Variants in FAF1 observed in about 807,000 individuals in gnomAD.
FAF1 encodes Fas associated factor 1, also known as FAS-associated factor 1.
A neutral mutation model predicts 92.5 loss-of-function variants in FAF1; 25 were observed. The ratio of observed to expected loss-of-function variants is 0.27; its 90% CI spans 0.20 to 0.38. The LOEUF (loss-of-function observed/expected upper bound fraction) is 0.38, where lower values mean the gene tolerates loss of function less well. Ranked by LOEUF, FAF1 falls within the 10% of genes least tolerant of loss-of-function variation. FAF1 has a pLI of 1.00. For missense variants in FAF1, 636 were observed against 793.3 expected (o/e 0.80, Z 2.38); for synonymous variants, 234 against 273.2 (o/e 0.86, Z 1.42).
At chr1:50,643,195 A>G (rs12075946) in intron 8 of FAF1, among the ~76,000 whole-genome samples, 4,695 of 152,104 alleles carry the variant, frequency 0.031, 242 homozygotes, top group African/African-American at 0.11. Flanking sequence ...ATTTTTAGCT[A>G]TATTTCTTTT....
At chr1:50,788,747 G>A (rs570254616) in intron 3 of FAF1, among the ~76,000 whole-genome samples, 1 of 152,168 alleles carries the variant, frequency 6.6e-6, no homozygotes, top group East Asian at 1.9e-4. Context: ...CCACAAACAA[G>A]CCCACATAAG....
intron 1 of FAF1, among the ~76,000 whole-genome samples, chr1:50,921,177 T>C (rs1320714063): frequency 6.6e-6 from 1 of 152,228 alleles, no homozygotes; most frequent in Non-Finnish European, 1.5e-5. Context: ...TGGCCCACCC[T>C]GCCCACAACC....
intron 5 of FAF1, among the ~76,000 whole-genome samples, chr1:50,743,447 C>T (rs926389260): frequency 1.3e-5 from 2 of 152,088 alleles, no homozygotes; most frequent in African/African-American, 4.8e-5. Context: ...CCCACCTCAG[C>T]CTCCCGAGTA....
At chr1:50,655,000 C>T (rs113402151) in intron 8 of FAF1, among the ~76,000 whole-genome samples, 29,159 of 139,414 alleles carry the variant, frequency 0.21, 3,766 homozygotes, top group Middle Eastern at 0.43. Context: ...GATGGAGTTT[C>T]GCTTTTGTCG....
chr1:50,780,970 T>C, intron 4 of FAF1: 1 of 484,344 alleles, frequency 2.1e-6, no homozygotes, highest in Non-Finnish European at 4.1e-6. Context: ...GGTCATCATC[T>C]CTGCCAAGGG....
intron 18 of FAF1, among the ~76,000 whole-genome samples, chr1:50,474,657 T>C (rs895341528): frequency 1.8e-4 from 27 of 152,322 alleles, no homozygotes; most frequent in Admixed American, 9.8e-4. Flanking sequence ...AATTCGACCA[T>C]AACCTCTACT....
At position 50,667,146 on chromosome 1, in the gene FAF1, C is replaced by T. The variant is rs138043965; in HGVS notation, c.658-11618G>A. The stretch of plus-strand genomic sequence containing the variant: ...TGTCACACACATCTGAGAAAGATGG[C>T]AAGATAAAAAATTTCCAAGGAAAAT... On this transcript the variant is annotated intron_variant, in intron 7 of 18. Coordinates refer to ENST00000396153, the MANE Select transcript of FAF1 (RefSeq NM_007051.3). Among the ~76,000 whole-genome samples the T allele has an allele frequency of 1.7e-3, 251 of 152,098 alleles. 8 individuals carry two copies. In the East Asian group the frequency reaches 0.039, roughly 23 times the overall value.
At chr1:50,953,521 T>G (rs1048756021) in intron 1 of FAF1, among the ~76,000 whole-genome samples, 2 of 152,114 alleles carry the variant, frequency 1.3e-5, no homozygotes, top group Non-Finnish European at 2.9e-5. Context: ...GTGGATCAAC[T>G]GAGGTCAGGA....
rs188193932 is a variant in FAF1, at chr1:50,478,828, C to T, written c.1654-3149G>A. 3.3e-5 allele frequency among the ~76,000 whole-genome samples: 5 copies of T among 152,172 alleles called. No homozygotes were observed. In the East Asian group the frequency reaches 9.6e-4, roughly 29 times the overall value. On this transcript the variant is annotated intron_variant, in intron 17 of 18. Coordinates refer to ENST00000396153, the MANE Select transcript of FAF1 (RefSeq NM_007051.3). ...AGTGTTGTATTGTATAAAGCTTTAT[C>T]CTTTCTGTTCAAAATCATGTATTTT...
intron 15 of FAF1, among the ~76,000 whole-genome samples, chr1:50,499,455 A>AATAAATTAGCTTTTGTC (rs1273211006): frequency 1.3e-5 from 2 of 151,808 alleles, no homozygotes; most frequent in Non-Finnish European, 2.9e-5. Flanking sequence ...TCTTATCAGG[A>AATAAATTAGCTTTTGTC]ATAAATTAGC....
chr1:50,527,151 G>A (rs901426320), intron 15 of FAF1, among the ~76,000 whole-genome samples: 8 of 151,996 alleles, frequency 5.3e-5, no homozygotes, highest in Non-Finnish European at 7.4e-5. Context: ...CCACTGTGCC[G>A]GGCCCCTGAT....
intron 8 of FAF1, among the ~76,000 whole-genome samples, chr1:50,649,302 G>A (rs538069963): frequency 4.0e-5 from 6 of 151,776 alleles, no homozygotes; most frequent in Non-Finnish European, 5.9e-5. Context: ...ACAGGCATGC[G>A]CCACACACCT....
chr1:50,750,465 A>G (rs1659810706), intron 4 of FAF1, among the ~76,000 whole-genome samples: 1 of 152,096 alleles, frequency 6.6e-6, no homozygotes, highest in Admixed American at 6.6e-5. Flanking sequence ...TACAATCAAG[A>G]TAAGAACATT....
chr1:50,628,308 A>C (rs1185952610), intron 8 of FAF1, among the ~76,000 whole-genome samples: 1 of 152,222 alleles, frequency 6.6e-6, no homozygotes. Context: ...CCTGAACTAG[A>C]AACAACATTT....
intron 1 of FAF1, among the ~76,000 whole-genome samples, chr1:50,887,221 G>T (rs1209950031): frequency 2.0e-5 from 3 of 152,116 alleles, no homozygotes; most frequent in Admixed American, 2.0e-4. Context: ...ACTTGTTGAT[G>T]GGGTTGTTGT....
intron 15 of FAF1, among the ~76,000 whole-genome samples, chr1:50,531,757 A>G (rs1226241443): frequency 6.6e-6 from 1 of 152,188 alleles, no homozygotes; most frequent in African/African-American, 2.4e-5. Flanking sequence ...TAGAGCAATC[A>G]GTGATATAAA....
intron 15 of FAF1, among the ~76,000 whole-genome samples, chr1:50,506,274 T>C (rs1440466819): frequency 6.6e-6 from 1 of 152,186 alleles, no homozygotes; most frequent in Non-Finnish European, 1.5e-5. Flanking sequence ...GAACACCTAA[T>C]CTTAACATAG....
chr1:50,547,944 GT>G (rs1649114934), intron 13 of FAF1, among the ~76,000 whole-genome samples: 2 of 152,218 alleles, frequency 1.3e-5, no homozygotes, highest in Admixed American at 1.3e-4. Flanking sequence ...TAAAAATGGT[GT>G]TTACTTTTTC....
chr1:50,502,660 T>A (rs543429237), intron 15 of FAF1, among the ~76,000 whole-genome samples: 2 of 152,240 alleles, frequency 1.3e-5, no homozygotes, highest in South Asian at 2.1e-4. Context: ...TGTTTTAAGA[T>A]CCAGGTTAGC....
Sources: gnomAD v4.1 joint callset for allele counts (sites outside exome capture counted in the v4.1 genomes callset) on GRCh38, gnomAD v4.1.1 for gene constraint, MANE v1.5 for transcripts, NCBI Gene and HGNC (gene_info 2026-07-23, HGNC 2026-07-21) for gene names.